TLN2: variants seen among roughly 807,000 people sequenced by gnomAD.
TLN2 encodes talin 2.
Under a neutral mutation model 294.7 loss-of-function variants are expected in TLN2, and 118 were observed. The observed-to-expected ratio is 0.40, with a 90% confidence interval of 0.34 to 0.47. TLN2 has a LOEUF of 0.47. Ranked by LOEUF, TLN2 falls within the 20% of genes least tolerant of loss-of-function variation. The pLI is 0.84. For missense variants in TLN2, 3,083 were observed against 3,282.2 expected, an observed-to-expected ratio of 0.94 and a Z score of 1.48; for synonymous variants, 1,431 against 1,304.5, an observed-to-expected ratio of 1.10 and a Z score of -2.09.
intron 1 of TLN2, among the ~76,000 whole-genome samples, chr15:62,494,866 T>C (rs1018438134): frequency 1.7e-4 from 26 of 152,202 alleles, no homozygotes; most frequent in Non-Finnish European, 3.2e-4. Context: ...TGTCCCTTAC[T>C]GTCAGTCTGC....
chr15:62,506,172 A>C (rs1003584988), intron 1 of TLN2, among the ~76,000 whole-genome samples: 1 of 152,142 alleles, frequency 6.6e-6, no homozygotes, highest in African/African-American at 2.4e-5. Flanking sequence ...GGAAACTGTG[A>C]TATCTCCAGG....
chr15:62,617,977 T>C (rs892597164), intron 2 of TLN2, among the ~76,000 whole-genome samples: 8 of 151,526 alleles, frequency 5.3e-5, no homozygotes, highest in Non-Finnish European at 8.8e-5. Flanking sequence ...TTTTTTTTTT[T>C]TTGTAGAGAC....
At chr15:62,562,651 A>G (rs185019464) in intron 1 of TLN2, among the ~76,000 whole-genome samples, 3 of 152,132 alleles carry the variant, frequency 2.0e-5, no homozygotes, top group Non-Finnish European at 4.4e-5. Context: ...TCACCGGAGC[A>G]GTATACAGTG....
intron 3 of TLN2, among the ~76,000 whole-genome samples, chr15:62,645,897 A>G (rs1200830866): frequency 1.3e-5 from 2 of 152,176 alleles, no homozygotes; most frequent in Non-Finnish European, 2.9e-5. Context: ...TCAGGCACAA[A>G]GAAAAAAGCG....
intron 1 of TLN2, among the ~76,000 whole-genome samples, chr15:62,568,765 T>C (rs1454989042): frequency 1.3e-5 from 2 of 152,290 alleles, no homozygotes; most frequent in African/African-American, 2.4e-5. Context: ...TCCCCAGCCC[T>C]GTCCTCCTGA....
chr15:62,716,799 A>C (rs1399594306), intron 23 of TLN2, among the ~76,000 whole-genome samples: 2 of 152,212 alleles, frequency 1.3e-5, no homozygotes, highest in Non-Finnish European at 2.9e-5. Flanking sequence ...AGGGCTTCCC[A>C]TAGGAAATAT....
intron 3 of TLN2, among the ~76,000 whole-genome samples, chr15:62,629,364 G>C (rs1002745583): frequency 1.3e-5 from 2 of 152,180 alleles, no homozygotes; most frequent in African/African-American, 4.8e-5. Context: ...CTGTGAGATA[G>C]TGCTTCCATG....
At chr15:62,519,489 A>G (rs1298278900) in intron 1 of TLN2, among the ~76,000 whole-genome samples, 1 of 152,220 alleles carries the variant, frequency 6.6e-6, no homozygotes, top group Non-Finnish European at 1.5e-5. Flanking sequence ...GGTGATGATG[A>G]TAGCATATTA....
At chr15:62,490,805 G>A (rs1217047304) in intron 1 of TLN2, among the ~76,000 whole-genome samples, 1 of 152,142 alleles carries the variant, frequency 6.6e-6, no homozygotes, top group African/African-American at 2.4e-5. Flanking sequence ...AGAAATGCCA[G>A]AAATAATTTC....
At chr15:62,795,787 C>T (rs1349559418) in intron 46 of TLN2, among the ~76,000 whole-genome samples, 1 of 152,204 alleles carries the variant, frequency 6.6e-6, no homozygotes, top group Non-Finnish European at 1.5e-5. Flanking sequence ...CATCTGCCCT[C>T]TGCTGAGTAC....
chr15:62,535,556 A>ATTT (rs34539193), intron 1 of TLN2, among the ~76,000 whole-genome samples: 22 of 139,758 alleles, frequency 1.6e-4, no homozygotes, highest in Admixed American at 2.2e-4. Flanking sequence ...AGATAACTTG[A>ATTT]TTTTTTTTTT....
intron 9 of TLN2, among the ~76,000 whole-genome samples, chr15:62,667,656 G>T (rs1368270775): frequency 1.3e-5 from 2 of 152,210 alleles, no homozygotes. Flanking sequence ...CTTCCCTGTG[G>T]TCATGCAGTG....
Position 62,653,290 on chromosome 15 carries a change from G to T in TLN2, c.493G>T (p.Ala165Ser), listed in dbSNP as rs1287810550. 6.2e-7 allele frequency: 1 copy of T among 1,613,616 alleles called. No individual in the cohort carries two copies. Among genetic ancestry groups the T allele is most frequent in the South Asian group, 1.1e-5 (1 of 90,860 alleles). Residue 165 changes from alanine to serine, a missense_variant, in exon 7 of 59, where the codon GCC (alanine) becomes TCC (serine). Transcript: ENST00000636159. ...TGAGAGGAAAATGGAGAAGTTGAAG[G>T]CCAAGCTGCACACAGATGATGACCG... Reference protein sequence around the residue: ...RDERKMEKLKAKLHTDDDLNW... With the variant: ...RDERKMEKLKSKLHTDDDLNW...
chr15:62,498,589 C>T (rs750001033), intron 1 of TLN2, among the ~76,000 whole-genome samples: 7 of 152,256 alleles, frequency 4.6e-5, no homozygotes, highest in Middle Eastern at 3.4e-3. Flanking sequence ...GCTTCTGTAT[C>T]GGTGGCTGTG....
chr15:62,399,670 A>G (rs369043471), intron 1 of TLN2, among the ~76,000 whole-genome samples: 6 of 152,248 alleles, frequency 3.9e-5, no homozygotes, highest in African/African-American at 1.4e-4. Context: ...CTTTAAGGTT[A>G]AATGACTACC....
chr15:62,425,690 G>A (rs554446823), intron 1 of TLN2, among the ~76,000 whole-genome samples: 4 of 152,172 alleles, frequency 2.6e-5, no homozygotes, highest in Non-Finnish European at 4.4e-5. Flanking sequence ...TGTTTACATA[G>A]GATGTGTCCT....
intron 23 of TLN2, 111 bp from the exon 24 acceptor site, chr15:62,717,464 TG>T (rs1373771252): frequency 1.3e-4 from 78 of 590,142 alleles, no homozygotes; most frequent in Non-Finnish European, 2.1e-4. Flanking sequence ...GCCTGCTCTT[TG>T]GAGTTCTTTT....
chr15:62,565,968 A>C (rs1285731195), intron 1 of TLN2, among the ~76,000 whole-genome samples: 4 of 151,560 alleles, frequency 2.6e-5, no homozygotes, highest in African/African-American at 9.7e-5. Context: ...CAGTTTCTGC[A>C]TCTGTAAAAT....
chr15:62,599,186 T>C (rs1414560795), intron 2 of TLN2, among the ~76,000 whole-genome samples: 2 of 152,206 alleles, frequency 1.3e-5, no homozygotes, highest in African/African-American at 2.4e-5. Flanking sequence ...GAAACATCTT[T>C]AGAGCTGGGC....
Sources: gnomAD v4.1 joint callset for allele counts (sites outside exome capture counted in the v4.1 genomes callset) on GRCh38, gnomAD v4.1.1 for gene constraint, MANE v1.5 for transcripts, NCBI Gene and HGNC (gene_info 2026-07-23, HGNC 2026-07-21) for gene names.